Variants in OTUD7B observed in about 807,000 individuals in gnomAD.
The protein encoded by OTUD7B is OTU domain-containing protein 7B.
OTUD7B carries 34 observed loss-of-function variants against 82.2 expected under a neutral mutation model. The observed-to-expected ratio is 0.41, with a 90% CI of 0.31 to 0.55. The LOEUF is 0.55. OTUD7B is among the 20% of genes least tolerant of loss of function. OTUD7B has a pLI of 0.20. For synonymous variants in OTUD7B, 398 were observed against 402.7 expected (o/e 0.99, Z 0.14); for missense variants, 944 against 1,062.1 (o/e 0.89, Z 1.55).
At chr1:150,062,829 C>T in the OTUD7B span, among the ~76,000 whole-genome samples, 1 of 150,844 alleles carries the variant, frequency 6.6e-6, no homozygotes, top group Non-Finnish European at 1.5e-5. Context: ...ATTCTCCTGC[C>T]TCAGCCTCCT....
At chr1:150,055,961 T>C in the OTUD7B span, among the ~76,000 whole-genome samples, 14 of 152,134 alleles carry the variant, frequency 9.2e-5, no homozygotes, top group South Asian at 1.9e-3. Flanking sequence ...GGTGGCTAAA[T>C]AATCTGTACA....
At chr1:150,052,790 AAAACAAAC>A in the OTUD7B span, among the ~76,000 whole-genome samples, 3 of 147,544 alleles carry the variant, frequency 2.0e-5, no homozygotes, top group East Asian at 2.0e-4. Flanking sequence ...TGGTACTGGT[AAAACAAAC>A]AAACAAACAA....
intron 7 of OTUD7B, among the ~76,000 whole-genome samples, chr1:149,958,884 A>G (rs1282499496): frequency 6.8e-6 from 1 of 147,656 alleles, no homozygotes; most frequent in African/African-American, 2.5e-5. Context: ...AGCTGGGACT[A>G]TAGGCATGCA....
chr1:149,980,178 A>G (rs1650618329), intron 1 of OTUD7B, among the ~76,000 whole-genome samples: 1 of 151,248 alleles, frequency 6.6e-6, no homozygotes, highest in Non-Finnish European at 1.5e-5. Context: ...ATTCTTCTCA[A>G]AAAACATTTT....
rs587651351 is a variant in OTUD7B at position 149,986,336 on chromosome 1, GAC to G, written c.-66-8762_-66-8761del. Among the ~76,000 whole-genome samples, 30 of 151,836 alleles carry G rather than the reference GAC, an allele frequency of 2.0e-4. No individual in the cohort carries two copies. In the East Asian group the frequency reaches 5.0e-3, roughly 25 times the overall value. On this transcript the variant is annotated intron_variant, in intron 1 of 11. Coordinates refer to ENST00000581312, the MANE Select transcript of OTUD7B (RefSeq NM_020205.4). ...GTCTAAAACAGTAACTCATCTCAAA[GAC>G]ATATGTTTAAGATTGTTATACGACT...
chr1:150,052,788 G>T, the OTUD7B span, among the ~76,000 whole-genome samples: 1 of 144,860 alleles, frequency 6.9e-6, no homozygotes, highest in African/African-American at 2.6e-5. Context: ...CATGGTACTG[G>T]TAAAACAAAC....
intron 6 of OTUD7B, 74 bp downstream of exon 6, chr1:149,964,148 A>G: frequency 3.2e-6 from 5 of 1,544,198 alleles, no homozygotes; most frequent in Non-Finnish European, 4.4e-6. Flanking sequence ...AATATTTTCT[A>G]CTGGCAGGCA....
At chr1:150,027,281 C>T in the OTUD7B span, among the ~76,000 whole-genome samples, 2 of 152,052 alleles carry the variant, frequency 1.3e-5, no homozygotes, top group Non-Finnish European at 2.9e-5. Context: ...AATTATAATA[C>T]CATGCAGAAA....
At chr1:150,065,311 C>T in the OTUD7B span, among the ~76,000 whole-genome samples, 1 of 152,114 alleles carries the variant, frequency 6.6e-6, no homozygotes, top group Admixed American at 6.5e-5. Flanking sequence ...TGGACTCAAA[C>T]GATTGGCCTC....
the OTUD7B span, chr1:150,048,432 A>T: frequency 1.3e-5 from 2 of 152,304 alleles, no homozygotes; most frequent in Non-Finnish European, 2.9e-5. Context: ...TATATTAATA[A>T]GGCTGAGTGT....
the OTUD7B span, among the ~76,000 whole-genome samples, chr1:150,028,816 G>A: frequency 6.6e-5 from 10 of 152,136 alleles, no homozygotes; most frequent in South Asian, 2.1e-4. Context: ...GATTACAGGC[G>A]TGAGCCACCA....
the OTUD7B span, among the ~76,000 whole-genome samples, chr1:150,020,520 G>A: frequency 6.6e-6 from 1 of 152,114 alleles, no homozygotes; most frequent in Non-Finnish European, 1.5e-5. Flanking sequence ...CTGGGTGACA[G>A]AGCAAGACTC....
the OTUD7B span, among the ~76,000 whole-genome samples, chr1:150,035,148 A>AC: frequency 9.2e-5 from 14 of 151,654 alleles, no homozygotes; most frequent in Non-Finnish European, 1.8e-4. Flanking sequence ...TCATCTCAAA[A>AC]AAAAAAAAGG....
Position 149,998,859 on chromosome 1 carries a change from G to A in OTUD7B, c.-67+11589C>T, listed in dbSNP as rs1292607891. Among the ~76,000 whole-genome samples the A allele has an allele frequency of 3.3e-5, 5 of 152,220 alleles. No homozygotes were observed. In the East Asian group the frequency reaches 5.8e-4, roughly 18 times the overall value. On this transcript the variant is annotated intron_variant, in intron 1 of 11. Coordinates refer to ENST00000581312, the MANE Select transcript of OTUD7B (RefSeq NM_020205.4). Reference sequence around the variant, plus strand: ...GTCTCATTTTCCTCACCTAGAAAATGACAATATGTAAATCTCTTTTCAGTT... The same window carrying A: ...GTCTCATTTTCCTCACCTAGAAAATAACAATATGTAAATCTCTTTTCAGTT...
At chr1:149,952,040 T>C (rs1368413480) in intron 7 of OTUD7B, among the ~76,000 whole-genome samples, 4 of 151,986 alleles carry the variant, frequency 2.6e-5, no homozygotes, top group African/African-American at 9.7e-5. Flanking sequence ...AACTGCTTGC[T>C]GCTCCTGCAC....
chr1:149,964,325 T>C lies in OTUD7B; in HGVS notation c.629A>G (p.Asp210Gly), dbSNP rs1649367614. Residue 210 changes from aspartate to glycine, a missense_variant, in exon 6 of 12, where the codon GAC becomes GGC. Coordinates refer to ENST00000581312, the MANE Select transcript of OTUD7B (RefSeq NM_020205.4). ...SLGMWGFHDR[D>G]LMLRKALYAL... Reference sequence around the variant, plus strand: ...ATACAAAGCTTTCCGCAGCATCAAGTCCCGATCATGGAAACCCCACATTCC... The same window carrying C: ...ATACAAAGCTTTCCGCAGCATCAAGCCCCGATCATGGAAACCCCACATTCC... 2.5e-6 allele frequency: 4 copies of C among 1,613,812 alleles called. No homozygotes were observed. Among genetic ancestry groups the C allele is most frequent in the Non-Finnish European group, 3.4e-6 (4 of 1,179,940 alleles).
intron 7 of OTUD7B, among the ~76,000 whole-genome samples, chr1:149,953,073 T>C (rs1394078983): frequency 6.6e-6 from 1 of 152,236 alleles, no homozygotes; most frequent in Non-Finnish European, 1.5e-5. Flanking sequence ...TTGTCTATTT[T>C]GGCTTTTGTT....
chr1:149,988,247 T>G (rs1407840415), intron 1 of OTUD7B, among the ~76,000 whole-genome samples: 1 of 152,080 alleles, frequency 6.6e-6, no homozygotes, highest in African/African-American at 2.4e-5. Context: ...CCCAAAACAA[T>G]TTATTTGTTT....
chr1:150,015,557 A>C (rs918171163), upstream of OTUD7B, among the ~76,000 whole-genome samples: 1 of 152,006 alleles, frequency 6.6e-6, no homozygotes, highest in Non-Finnish European at 1.5e-5. Flanking sequence ...CTGAGATTAC[A>C]AGCGTGAGCC....
Sources: allele counts gnomAD v4.1 joint callset (sites outside exome capture counted in the v4.1 genomes callset), GRCh38; gene constraint gnomAD v4.1.1; transcripts MANE v1.5; gene names NCBI Gene and HGNC (gene_info 2026-07-23, HGNC 2026-07-21).